LRMDA: variants seen among roughly 807,000 people sequenced by gnomAD.
LRMDA encodes the protein leucine rich melanocyte differentiation associated, also known as leucine-rich melanocyte differentiation-associated protein.
Under a neutral mutation model 29.8 loss-of-function variants are expected in LRMDA, and 18 were observed. That is an observed-to-expected ratio of 0.60 (90% CI 0.42 to 0.90). LRMDA has a LOEUF of 0.90. Ranked by LOEUF, LRMDA falls within the 40% of genes least tolerant of loss-of-function variation. LRMDA has a pLI of 0.00. For missense variants in LRMDA, 273 were observed against 273.9 expected (o/e 1.00, Z 0.02); for synonymous variants, 125 against 109.4 (o/e 1.14, Z -0.89).
At position 75,608,129 on chromosome 10, in the gene LRMDA, T is replaced by TATATATATACACAC. The variant is rs11271217; in HGVS notation, c.131+169636_131+169637insTATATATACACACA. Among the ~76,000 whole-genome samples the TATATATATACACAC allele has an allele frequency of 8.1e-3, 728 of 89,552 alleles. 16 individuals are homozygous for TATATATATACACAC. The highest frequency in any genetic ancestry group is 0.023 in the South Asian group (56 of 2,460). 58.7% of individuals were successfully genotyped at this position (89,552 alleles called of 152,430 possible). ...GTGTGTGTATATATATATATATATA[T>TATATATATACACAC]ACACACACATACACAAAGCAATATT... On this transcript the variant is annotated intron_variant, in intron 2 of 6. Coordinates refer to ENST00000611255, the MANE Select transcript of LRMDA (RefSeq NM_001305581.2).
Position 75,753,831 on chromosome 10 carries a change from T to C in LRMDA, c.132-282177T>C, listed in dbSNP as rs150016905. On this transcript the variant is annotated intron_variant, in intron 2 of 6. Transcript: ENST00000611255. ...AAGGGGGTCCAGTTAGCACAGTCATTGTGGTGGTCATGGGATAGATGCGGT... is the reference window on the plus strand; with the variant it reads ...AAGGGGGTCCAGTTAGCACAGTCATCGTGGTGGTCATGGGATAGATGCGGT... Among the ~76,000 whole-genome samples, 432 of 151,278 alleles carry C rather than the reference T, an allele frequency of 2.9e-3. 2 individuals carry two copies. The highest frequency in any genetic ancestry group is 0.01 in the African/African-American group (410 of 40,680).
At chr10:76,476,859 G>A (rs966219863) in intron 6 of LRMDA, among the ~76,000 whole-genome samples, 9 of 152,086 alleles carry the variant, frequency 5.9e-5, no homozygotes, top group Admixed American at 3.3e-4. Context: ...AGCCCTTCAT[G>A]CTAAAAACTC....
At chr10:75,854,208 A>G (rs1007998824) in intron 2 of LRMDA, among the ~76,000 whole-genome samples, 3 of 152,154 alleles carry the variant, frequency 2.0e-5, no homozygotes, top group Non-Finnish European at 4.4e-5. Flanking sequence ...CAGGATAGGC[A>G]AAGTCTCGAC....
chr10:76,025,318 C>T (rs1589293392), intron 2 of LRMDA, among the ~76,000 whole-genome samples: 1 of 147,996 alleles, frequency 6.8e-6, no homozygotes, highest in Non-Finnish European at 1.5e-5. Context: ...TGCTCCTTGT[C>T]TCTGTCCTTA....
chr10:75,918,986 A>G (rs1029315471), intron 2 of LRMDA, among the ~76,000 whole-genome samples: 1 of 152,234 alleles, frequency 6.6e-6, no homozygotes, highest in African/African-American at 2.4e-5. Flanking sequence ...TAACAGCTTT[A>G]TGAGTAGTTA....
intron 2 of LRMDA, among the ~76,000 whole-genome samples, chr10:75,569,484 T>C (rs1457710705): frequency 2.6e-5 from 4 of 152,232 alleles, no homozygotes; most frequent in Non-Finnish European, 5.9e-5. Flanking sequence ...GTTTCATTAA[T>C]GTGCCAGCTT....
At chr10:75,681,855 T>G (rs1360024147) in intron 2 of LRMDA, among the ~76,000 whole-genome samples, 1 of 152,212 alleles carries the variant, frequency 6.6e-6, no homozygotes, top group Non-Finnish European at 1.5e-5. Flanking sequence ...ATCATCATGT[T>G]ATCAAGCCAA....
At chr10:75,526,143 G>C (rs1388563102) in intron 2 of LRMDA, among the ~76,000 whole-genome samples, 1 of 151,966 alleles carries the variant, frequency 6.6e-6, no homozygotes, top group Admixed American at 6.6e-5. Context: ...ATAGCCCACT[G>C]CAGCCTCAAC....
intron 2 of LRMDA, among the ~76,000 whole-genome samples, chr10:75,594,533 A>G (rs1338760775): frequency 6.6e-6 from 1 of 152,224 alleles, no homozygotes; most frequent in Admixed American, 6.5e-5. Flanking sequence ...CACATAAGGC[A>G]TCATATGGTT....
At chr10:75,911,014 T>G (rs1845834350) in intron 2 of LRMDA, among the ~76,000 whole-genome samples, 1 of 152,092 alleles carries the variant, frequency 6.6e-6, no homozygotes, top group South Asian at 2.1e-4. Flanking sequence ...AAACAGCATT[T>G]TTTTTTTGGA....
intron 2 of LRMDA, among the ~76,000 whole-genome samples, chr10:75,627,445 G>T (rs1841265215): frequency 1.3e-5 from 2 of 152,198 alleles, no homozygotes; most frequent in Non-Finnish European, 2.9e-5. Context: ...GGTCTTTAAA[G>T]AGATGAGTTA....
intron 2 of LRMDA, among the ~76,000 whole-genome samples, chr10:75,439,426 T>C (rs1326304547): frequency 1.3e-5 from 2 of 152,112 alleles, no homozygotes; most frequent in Non-Finnish European, 2.9e-5. Context: ...GGCCTTGGAG[T>C]CTTCATTTCC....
chr10:75,557,997 C>A lies in LRMDA; in HGVS notation c.131+119503C>A, dbSNP rs145563386. On this transcript the variant is annotated intron_variant, in intron 2 of 6. Transcript: ENST00000611255. ...CCCTTGGCATAGAGGATGTAGCCAG[C>A]GAAATGTTTCGTAGTTCTCTGATGA... Among the ~76,000 whole-genome samples the A allele has an allele frequency of 3.6e-3, 555 of 152,062 alleles. 6 individuals are homozygous for A. Among genetic ancestry groups the A allele is most frequent in the African/African-American group, 0.013 (533 of 41,456 alleles).
rs185781396 is a variant in LRMDA at position 76,380,708 on chromosome 10, A to T, written c.601+56223A>T. Among the ~76,000 whole-genome samples the T allele has an allele frequency of 4.6e-5, 7 of 151,096 alleles. No homozygotes were observed. In the East Asian group the frequency reaches 1.4e-3, roughly 29 times the overall value. ...AAAAAAAAAGAGGAATATACATAATATAGCCTATAAATTTAAATATCCAAT... is the reference window on the plus strand; with the variant it reads ...AAAAAAAAAGAGGAATATACATAATTTAGCCTATAAATTTAAATATCCAAT... On this transcript the variant is annotated intron_variant, in intron 6 of 6. Coordinates refer to ENST00000611255, the MANE Select transcript of LRMDA (RefSeq NM_001305581.2).
At chr10:75,866,554 C>T (rs1449804498) in intron 2 of LRMDA, among the ~76,000 whole-genome samples, 1 of 152,126 alleles carries the variant, frequency 6.6e-6, no homozygotes. Flanking sequence ...GCATGAGAAG[C>T]GAAGGGGTTC....
At chr10:75,652,116 C>T (rs1009765153) in intron 2 of LRMDA, among the ~76,000 whole-genome samples, 2 of 152,194 alleles carry the variant, frequency 1.3e-5, no homozygotes, top group African/African-American at 4.8e-5. Flanking sequence ...GTCCTCTTTC[C>T]TGGGCATCCT....
intron 2 of LRMDA, among the ~76,000 whole-genome samples, chr10:75,840,790 T>A (rs1243051603): frequency 1.3e-5 from 2 of 152,232 alleles, no homozygotes; most frequent in Non-Finnish European, 2.9e-5. Context: ...GGATCCTGAA[T>A]ACCCTAAGGC....
At chr10:75,674,126 T>C (rs901897031) in intron 2 of LRMDA, among the ~76,000 whole-genome samples, 3 of 152,226 alleles carry the variant, frequency 2.0e-5, no homozygotes, top group Non-Finnish European at 4.4e-5. Flanking sequence ...TGGATAGATA[T>C]TTAAAAAATT....
intron 2 of LRMDA, among the ~76,000 whole-genome samples, chr10:75,915,367 C>A (rs1484289306): frequency 6.6e-6 from 1 of 151,970 alleles, no homozygotes; most frequent in African/African-American, 2.4e-5. Context: ...AACTGCTGAC[C>A]TCAGGTGATC....
Sources: gnomAD v4.1 joint callset for allele counts (sites outside exome capture counted in the v4.1 genomes callset) on GRCh38, gnomAD v4.1.1 for gene constraint, MANE v1.5 for transcripts, NCBI Gene and HGNC (gene_info 2026-07-23, HGNC 2026-07-21) for gene names.